Variants in HHIPL1 observed in about 807,000 individuals in gnomAD.
The protein encoded by HHIPL1 is HHIP like 1.
In HHIPL1, 43 loss-of-function variants were observed where a neutral mutation model predicts 61.8. The ratio of observed to expected loss-of-function variants is 0.70; its 90% confidence interval spans 0.55 to 0.90. The LOEUF (loss-of-function observed/expected upper bound fraction) is 0.90, where lower values mean the gene tolerates loss of function less well. HHIPL1 is among the 40% of genes least tolerant of loss of function. The pLI, the probability that HHIPL1 is intolerant of heterozygous loss-of-function variation, is 0.00. For synonymous variants in HHIPL1, 482 were observed against 515.8 expected (o/e 0.93, Z 0.89); for missense variants, 1,056 against 1,157.7 (o/e 0.91, Z 1.28).
the HHIPL1 span, among the ~76,000 whole-genome samples, chr14:99,604,891 C>T: frequency 1.3e-5 from 2 of 152,246 alleles, no homozygotes; most frequent in East Asian, 1.9e-4. Flanking sequence ...CCCTTCCCTG[C>T]CCCCAGGCTC....
chr14:99,654,305 G>A (rs2055992062), intron 2 of HHIPL1, among the ~76,000 whole-genome samples: 1 of 152,196 alleles, frequency 6.6e-6, no homozygotes, highest in Non-Finnish European at 1.5e-5. Flanking sequence ...GACAAAGTGA[G>A]AAGATGGGGT....
the HHIPL1 span, among the ~76,000 whole-genome samples, chr14:99,606,271 C>G: frequency 1.3e-5 from 2 of 152,280 alleles, no homozygotes; most frequent in African/African-American, 4.8e-5. Context: ...AGGCACTGCT[C>G]TGCTGGTCCA....
the HHIPL1 span, among the ~76,000 whole-genome samples, chr14:99,622,848 G>A: frequency 6.6e-6 from 1 of 152,224 alleles, no homozygotes; most frequent in Admixed American, 6.5e-5. Context: ...CACATTAAAG[G>A]GTGCTAGTGA....
chr14:99,652,271 C>CA lies in HHIPL1; in HGVS notation c.304dup (p.Thr102AsnfsTer20), dbSNP rs753530017. 1.7e-5 allele frequency: 28 copies of CA among 1,613,440 alleles called. No homozygotes were observed. In the East Asian group the frequency reaches 6.0e-4, roughly 35 times the overall value. On this transcript the variant is annotated frameshift_variant, in exon 2 of 9. Coordinates refer to ENST00000330710, the MANE Select transcript of HHIPL1 (RefSeq NM_001127258.3). LOFTEE classifies it high-confidence loss of function. ...ACCTCTATGACGCCGAGGACCCATT[C>CA]ACGCCCCTGCGCACGGTGCCCGGGC... is the stretch of plus-strand genomic sequence containing the variant.
At chr14:99,657,528 G>A (rs866788639) in intron 3 of HHIPL1, among the ~76,000 whole-genome samples, 11 of 152,182 alleles carry the variant, frequency 7.2e-5, no homozygotes, top group Non-Finnish European at 1.3e-4. Flanking sequence ...TTCCCAGGCC[G>A]AATGGAAAGT....
chr14:99,645,450 C>T lies in HHIPL1; in HGVS notation c.243C>T (p.Asp81=). Residue 81 remains aspartate, a synonymous_variant, in exon 1 of 9, where the codon GAC becomes GAT. Coordinates refer to ENST00000330710, the MANE Select transcript of HHIPL1 (RefSeq NM_001127258.3). ...EWAACAGYAR[D]LLCQECSPYA... is the part of the protein sequence containing the mutation. ...CCGCGTGCGCCGGCTACGCGAGGGACCTGCTGTGCCAGGTGAGCGGGCGCG... is the reference window on the plus strand; with the variant it reads ...CCGCGTGCGCCGGCTACGCGAGGGATCTGCTGTGCCAGGTGAGCGGGCGCG... The T allele has an allele frequency of 7.6e-7, 1 of 1,321,056 alleles. No homozygotes were observed. The highest frequency in any genetic ancestry group is 3.2e-5 in the East Asian group (1 of 31,516). The allele number at this position is 1,321,056 out of a possible 1,614,324, so 81.8% of individuals were successfully genotyped here.
intron 7 of HHIPL1, chr14:99,669,379 ACGC>A: frequency 3.1e-6 from 3 of 980,264 alleles, no homozygotes; most frequent in South Asian, 4.7e-5. Flanking sequence ...CTTGTCTCTA[ACGC>A]AAGGCCTGAG....
chr14:99,656,751 G>A (rs2056033617), intron 2 of HHIPL1, among the ~76,000 whole-genome samples: 1 of 98,520 alleles, frequency 1.0e-5, no homozygotes, highest in African/African-American at 3.2e-5. Context: ...ACTCCAGCCT[G>A]GTGACAGAGC....
At chr14:99,648,581 G>A (rs895098991) in intron 1 of HHIPL1, among the ~76,000 whole-genome samples, 10 of 152,222 alleles carry the variant, frequency 6.6e-5, no homozygotes, top group African/African-American at 1.9e-4. Flanking sequence ...CGCCCCTGGC[G>A]ACGGAGCAGT....
the HHIPL1 span, among the ~76,000 whole-genome samples, chr14:99,605,478 A>G: frequency 4.0e-5 from 6 of 151,794 alleles, no homozygotes. Context: ...GCGCCCGCGC[A>G]GCAGCTGATG....
At chr14:99,635,746 AT>A in the HHIPL1 span, among the ~76,000 whole-genome samples, 2 of 152,156 alleles carry the variant, frequency 1.3e-5, no homozygotes, top group African/African-American at 4.8e-5. Context: ...CAGGAGGGAC[AT>A]GGGGAGACAG....
the HHIPL1 span, among the ~76,000 whole-genome samples, chr14:99,615,613 GGAA>G: frequency 7.2e-6 from 1 of 139,392 alleles, no homozygotes; most frequent in Non-Finnish European, 1.5e-5. Flanking sequence ...AGGAAAGGAA[GGAA>G]GAAAGAAAGG....
intron 6 of HHIPL1, among the ~76,000 whole-genome samples, chr14:99,664,918 T>C: frequency 6.6e-6 from 1 of 151,186 alleles, no homozygotes; most frequent in African/African-American, 2.4e-5. Context: ...TTTTTTTCTT[T>C]TTTTTTTTTT....
rs2056406794 is a variant in HHIPL1 at position 99,677,925 on chromosome 14, A to T, written c.*2299A>T. The T allele has an allele frequency of 6.6e-6, 1 of 151,874 alleles. No homozygotes were observed. Among genetic ancestry groups the T allele is most frequent in the Non-Finnish European group, 1.5e-5 (1 of 68,002 alleles). The allele number at this position is 151,874 out of a possible 1,614,324, so 9.4% of individuals were successfully genotyped here. A position where few individuals can be genotyped will look rare whatever the true frequency, so the allele number is the denominator to read the frequency against. ...CTAGGCTGCAGCCTGCCTCCTGGGG[A>T]CTCACTCCACAGTCCCCAGGTCAGT... On this transcript the variant is annotated 3_prime_UTR_variant, in exon 9 of 9. Coordinates refer to ENST00000330710, the MANE Select transcript of HHIPL1 (RefSeq NM_001127258.3). This position sits in a 1 kb window ranked among gnomAD's most constrained non-coding sequence, Gnocchi z 4.3.
chr14:99,673,815 G>A (rs1039027077), intron 8 of HHIPL1, among the ~76,000 whole-genome samples: 1 of 82,266 alleles, frequency 1.2e-5, no homozygotes, highest in African/African-American at 4.9e-5. Flanking sequence ...GGGGTGCACT[G>A]AGGGGGGCGG....
At chr14:99,655,080 G>T (rs2056004911) in intron 2 of HHIPL1, among the ~76,000 whole-genome samples, 1 of 152,178 alleles carries the variant, frequency 6.6e-6, no homozygotes, top group Non-Finnish European at 1.5e-5. Flanking sequence ...GGAATGAGTG[G>T]TTATCCTTGC....
At chr14:99,622,298 C>A in the HHIPL1 span, among the ~76,000 whole-genome samples, 1 of 152,196 alleles carries the variant, frequency 6.6e-6, no homozygotes, top group Admixed American at 6.5e-5. Context: ...TGTGGCCCAT[C>A]CTTAGAGACC....
At chr14:99,615,735 G>T in the HHIPL1 span, among the ~76,000 whole-genome samples, 2 of 151,912 alleles carry the variant, frequency 1.3e-5, no homozygotes, top group South Asian at 4.2e-4. Flanking sequence ...AAGAAAGAAA[G>T]AAAAAAAGAC....
At chr14:99,629,120 G>A in the HHIPL1 span, among the ~76,000 whole-genome samples, 5 of 152,116 alleles carry the variant, frequency 3.3e-5, no homozygotes, top group Non-Finnish European at 7.4e-5. Flanking sequence ...CCCAGATCAC[G>A]TGCCAGGCAC....
Sources: allele counts gnomAD v4.1 joint callset (sites outside exome capture counted in the v4.1 genomes callset), GRCh38; gene constraint gnomAD v4.1.1; non-coding constraint Gnocchi (gnomAD v3.1); transcripts MANE v1.5; gene names NCBI Gene and HGNC (gene_info 2026-07-23, HGNC 2026-07-21).